CADPS: variants seen among roughly 807,000 people sequenced by gnomAD.
The protein encoded by CADPS is calcium-dependent secretion activator 1.
CADPS carries 57 observed loss-of-function variants against 167.3 expected under a neutral mutation model. That is an observed-to-expected ratio of 0.34 (90% confidence interval 0.28 to 0.42). The LOEUF (loss-of-function observed/expected upper bound fraction) is 0.42, where lower values mean the gene tolerates loss of function less well. Ranked by LOEUF, CADPS falls within the 20% of genes least tolerant of loss-of-function variation. CADPS has a pLI of 1.00. For missense variants in CADPS, 1,414 were observed against 1,738.1 expected (o/e 0.81, Z 3.32); for synonymous variants, 676 against 635.3 (o/e 1.06, Z -0.96).
At chr3:62,531,724 G>T (rs1286209545) in intron 13 of CADPS, among the ~76,000 whole-genome samples, 1 of 152,166 alleles carries the variant, frequency 6.6e-6, no homozygotes, top group East Asian at 1.9e-4. Context: ...CTGGCTGTTG[G>T]TTGGGGAGCT....
At chr3:62,477,191 A>G (rs1308615472) in intron 23 of CADPS, among the ~76,000 whole-genome samples, 2 of 152,132 alleles carry the variant, frequency 1.3e-5, no homozygotes, top group Non-Finnish European at 2.9e-5. Context: ...CTCTTCCAAG[A>G]TATGAAATAA....
intron 1 of CADPS, among the ~76,000 whole-genome samples, chr3:62,865,897 T>C (rs781497156): frequency 6.6e-6 from 1 of 151,860 alleles, no homozygotes; most frequent in Non-Finnish European, 1.5e-5. Context: ...AGCACATTTA[T>C]TTATGCCTAA....
intron 3 of CADPS, among the ~76,000 whole-genome samples, chr3:62,716,634 A>T (rs1438653260): frequency 1.3e-5 from 2 of 152,204 alleles, no homozygotes; most frequent in Non-Finnish European, 2.9e-5. Context: ...CCTTTAAAAA[A>T]ATGACAGAAT....
intron 4 of CADPS, 99 bp downstream of exon 4, chr3:62,662,215 G>T: frequency 1.9e-6 from 2 of 1,048,170 alleles, no homozygotes; most frequent in South Asian, 1.3e-5. Flanking sequence ...CCTCCTCTCT[G>T]CTTCTCAGCT....
chr3:62,823,953 G>A (rs948123815), intron 1 of CADPS, among the ~76,000 whole-genome samples: 5 of 151,960 alleles, frequency 3.3e-5, no homozygotes, highest in African/African-American at 9.7e-5. Context: ...TTTCTGCCAC[G>A]GCTCCTGCTC....
intron 6 of CADPS, among the ~76,000 whole-genome samples, chr3:62,641,074 T>C (rs1374574490): frequency 6.6e-6 from 1 of 152,222 alleles, no homozygotes; most frequent in East Asian, 1.9e-4. Context: ...ATATATTTTA[T>C]TTAAATTGAT....
intron 3 of CADPS, among the ~76,000 whole-genome samples, chr3:62,689,663 A>G (rs946951318): frequency 6.6e-6 from 1 of 152,090 alleles, no homozygotes; most frequent in Admixed American, 6.6e-5. Flanking sequence ...TGTACCTGAC[A>G]TTATAGAATT....
At chr3:62,729,204 G>A (rs2077289280) in intron 3 of CADPS, among the ~76,000 whole-genome samples, 2 of 151,792 alleles carry the variant, frequency 1.3e-5, no homozygotes, top group Admixed American at 1.3e-4. Flanking sequence ...TTGATGCGGA[G>A]CCATTGCTCT....
intron 1 of CADPS, among the ~76,000 whole-genome samples, chr3:62,797,110 C>A (rs1210742708): frequency 1.3e-5 from 2 of 152,146 alleles, no homozygotes; most frequent in Admixed American, 6.5e-5. Flanking sequence ...CCTGTATTAT[C>A]CAACCCAAAA....
intron 19 of CADPS, 104 bp downstream of exon 19, chr3:62,493,541 A>T (rs1015546618): frequency 1.1e-5 from 9 of 833,096 alleles, no homozygotes; most frequent in Admixed American, 5.4e-5. Context: ...TCAATGGCCA[A>T]GCTCTTCTGT....
chr3:62,585,229 T>C lies in CADPS; in HGVS notation c.1533A>G (p.Lys511=), dbSNP rs1473951313. The part of the protein sequence containing the change: ...KNCPDQDLKI[K]LAVRMDKPQN... ...GAGGCTTATCCATTCGGACAGCAAG[T>C]TTGATTTTGAGATCTTGGTCGGGGC... Residue 511 remains lysine, a synonymous_variant, in exon 8 of 30, where the codon AAA becomes AAG. Transcript: ENST00000383710. 1 of 1,614,074 alleles carries C rather than the reference T, an allele frequency of 6.2e-7. No individual in the cohort carries two copies.
intron 28 of CADPS, among the ~76,000 whole-genome samples, chr3:62,432,735 G>A (rs561844901): frequency 6.6e-6 from 1 of 152,136 alleles, no homozygotes; most frequent in Non-Finnish European, 1.5e-5. Flanking sequence ...TTATATAGAT[G>A]AATCAGCTGA....
chr3:62,462,552 C>A (rs1295409404), intron 26 of CADPS, among the ~76,000 whole-genome samples: 1 of 152,222 alleles, frequency 6.6e-6, no homozygotes, highest in Non-Finnish European at 1.5e-5. Flanking sequence ...GGGGGCAGAG[C>A]ACATGGCTCA....
At chr3:62,502,638 C>T (rs1218661893) in intron 17 of CADPS, among the ~76,000 whole-genome samples, 6 of 152,134 alleles carry the variant, frequency 3.9e-5, no homozygotes, top group Admixed American at 2.6e-4. Flanking sequence ...GCCCGAGTCT[C>T]AGCTTAGTGT....
intron 4 of CADPS, among the ~76,000 whole-genome samples, chr3:62,657,234 A>G (rs778548869): frequency 1.3e-5 from 2 of 152,210 alleles, no homozygotes; most frequent in African/African-American, 4.8e-5. Flanking sequence ...GGGCCAGGAT[A>G]TGAGCTACTA....
At chr3:62,841,518 C>A (rs537965082) in intron 1 of CADPS, among the ~76,000 whole-genome samples, 3 of 152,248 alleles carry the variant, frequency 2.0e-5, no homozygotes, top group South Asian at 4.1e-4. Flanking sequence ...GAGTTCAAGA[C>A]CAGTCTAGGC....
chr3:62,850,761 G>C (rs1183303208), intron 1 of CADPS, among the ~76,000 whole-genome samples: 2 of 151,078 alleles, frequency 1.3e-5, no homozygotes, highest in African/African-American at 2.4e-5. Context: ...TTGATTTGGG[G>C]TGGAGAGTTC....
chr3:62,866,711 A>G (rs1446784966), intron 1 of CADPS, among the ~76,000 whole-genome samples: 2 of 152,148 alleles, frequency 1.3e-5, no homozygotes, highest in Admixed American at 6.6e-5. Context: ...AATACTGTGG[A>G]GGAGTTTGGT....
intron 7 of CADPS, among the ~76,000 whole-genome samples, chr3:62,588,073 A>G (rs531850035): frequency 6.6e-6 from 1 of 152,266 alleles, no homozygotes; most frequent in East Asian, 1.9e-4. Context: ...CACCCCCTGA[A>G]GTAGCTGCAC....
Sources: allele counts gnomAD v4.1 joint callset (sites outside exome capture counted in the v4.1 genomes callset), GRCh38; gene constraint gnomAD v4.1.1; transcripts MANE v1.5; gene names NCBI Gene and HGNC (gene_info 2026-07-23, HGNC 2026-07-21).